FANCD2: variants seen among roughly 807,000 people sequenced by gnomAD.
FANCD2 encodes the protein FA complementation group D2.
Under a neutral mutation model 192.3 loss-of-function variants are expected in FANCD2, and 131 were observed. That is an observed-to-expected ratio of 0.68 (90% CI 0.59 to 0.79). FANCD2 has a LOEUF of 0.79. Among genes scored for constraint, FANCD2 ranks in the 30% least tolerant of loss-of-function variants. The pLI is 0.00. For missense variants in FANCD2, 1,508 were observed against 1,701.6 expected, an observed-to-expected ratio of 0.89 and a Z score of 2.00; for synonymous variants, 524 against 612.5, an observed-to-expected ratio of 0.86 and a Z score of 2.13.
chr3:10,091,014 G>C (rs919634978), intron 37 of FANCD2, among the ~76,000 whole-genome samples: 1 of 151,928 alleles, frequency 6.6e-6, no homozygotes, highest in African/African-American at 2.4e-5. Context: ...AACCAGAACG[G>C]AGCTAGACAA....
chr3:10,081,059 A>G, intron 30 of FANCD2, 41 bp from the exon 31 acceptor site: 1 of 1,613,232 alleles, frequency 6.2e-7, no homozygotes, highest in Non-Finnish European at 8.5e-7. Context: ...CTGAGACGCT[A>G]TCCAGCAGTT....
At chr3:10,067,716 T>G (rs2087760323) in intron 26 of FANCD2, among the ~76,000 whole-genome samples, 1 of 152,148 alleles carries the variant, frequency 6.6e-6, no homozygotes, top group South Asian at 2.1e-4. Flanking sequence ...GAGAATCGCT[T>G]GAACCTGGGA....
rs112902928 is a variant in FANCD2, at chr3:10,048,001, A to G, written c.1363A>G (p.Ser455Gly). 8.1e-6 allele frequency: 13 copies of G among 1,614,216 alleles called. No homozygotes were observed. The African/African-American group carries it at 1.6e-4, about 20-fold the overall frequency. ...SLDQSIISFG[S>G]LLYKYAFKFF... The stretch of plus-strand genomic sequence containing the variant: ...AGACCAGAGTATAATTTCATTTGGC[A>G]GTCTCCTATACAAATATGCATTTAA... Residue 455 changes from serine to glycine, a missense_variant, in exon 16 of 44, where the codon AGT becomes GGT. Coordinates refer to ENST00000675286, the MANE Select transcript of FANCD2 (RefSeq NM_001018115.3).
At chr3:10,039,590 T>C (rs1324646181) in intron 8 of FANCD2, 131 bp from the exon 9 acceptor site, 2 of 1,060,270 alleles carry the variant, frequency 1.9e-6, no homozygotes, top group East Asian at 4.9e-5. Flanking sequence ...TTGGGAAGAT[T>C]CTTTTTCAAA....
chr3:10,028,579 A>G, intron 1 of FANCD2, 46 bp from the exon 2 acceptor site: 1 of 1,289,782 alleles, frequency 7.8e-7, no homozygotes, highest in Non-Finnish European at 1.1e-6. Context: ...AACTTCTCAG[A>G]ATTTATCTTC....
At chr3:10,069,995 G>T (rs1170398009) in intron 26 of FANCD2, among the ~76,000 whole-genome samples, 1 of 151,198 alleles carries the variant, frequency 6.6e-6, no homozygotes, top group East Asian at 2.0e-4. Flanking sequence ...CTGCCCGGCC[G>T]CCATCCCATC....
intron 28 of FANCD2, among the ~76,000 whole-genome samples, chr3:10,073,658 TC>T (rs1693377156): frequency 6.6e-6 from 1 of 152,230 alleles, no homozygotes; most frequent in African/African-American, 2.4e-5. Context: ...TATCAGTAGT[TC>T]CCTTTTACTT....
At position 10,073,289 on chromosome 3, in the gene FANCD2, C is replaced by T. The variant is rs541470290; in HGVS notation, c.2642C>T (p.Ser881Phe). The T allele has an allele frequency of 3.7e-6, 6 of 1,614,018 alleles. No individual in the cohort carries two copies. Among genetic ancestry groups the T allele is most frequent in the Admixed American group, 1.7e-5 (1 of 60,014 alleles). Residue 881 changes from serine (S) to phenylalanine (F), a missense_variant, in exon 28 of 44, where the codon TCC becomes TTC. Physicochemically the swap from Ser to Phe is radical, Grantham distance 155. Coordinates refer to ENST00000675286, the MANE Select transcript of FANCD2 (RefSeq NM_001018115.3). ...KQKTDGSKTS[S>F]SDTLSEEKNS... ...AAAACAGATGGCAGCAAGACATCCT[C>T]CTCTGACACACTTTCAGAAGAGAAA...
At chr3:10,039,953 A>G (rs1369909025) in intron 9 of FANCD2, 108 bp downstream of exon 9, 4 of 1,291,532 alleles carry the variant, frequency 3.1e-6, no homozygotes, top group East Asian at 4.7e-5. Flanking sequence ...TAAAAAGAGG[A>G]TGATACCCCC....
Position 10,096,325 on chromosome 3 carries a change from G to C in FANCD2, c.4039-1G>C, listed in dbSNP as rs367976708. The C allele has an allele frequency of 6.2e-7, 1 of 1,613,916 alleles. No homozygotes were observed. The highest frequency in any genetic ancestry group is 8.5e-7 in the Non-Finnish European group (1 of 1,179,970). The stretch of plus-strand genomic sequence containing the variant: ...GATGGATGTTATTTATTTCCATTCA[G>C]ATTCACCAGGACACGAGACTCACCC... On this transcript the variant is annotated splice_acceptor_variant, in intron 41 of 43. Transcript: ENST00000675286. LOFTEE classifies it high-confidence loss of function.
Position 10,090,487 on chromosome 3 carries a change from G to A in FANCD2, c.3777+102G>A, listed in dbSNP as rs1161661748. The A allele has an allele frequency of 4.3e-6, 3 of 693,278 alleles. No homozygotes were observed. The African/African-American group carries it at 7.6e-5, about 18-fold the overall frequency. The allele number at this position is 693,278 out of a possible 1,614,324, so 42.9% of individuals were successfully genotyped here. A position where few individuals can be genotyped will look rare whatever the true frequency, so the allele number is the denominator to read the frequency against. On this transcript the variant is annotated intron_variant, in intron 37 of 43. Transcript: ENST00000675286. ...TTTTTTTTTTCTGAGACAGAGTCTTGCTTGTTCTGTTGCCCAGACTGGAGT... is the reference window on the plus strand; with the variant it reads ...TTTTTTTTTTCTGAGACAGAGTCTTACTTGTTCTGTTGCCCAGACTGGAGT...
rs34826850 is a variant in FANCD2 at position 10,093,875 on chromosome 3, G to A, written c.3889-414G>A. Among the ~76,000 whole-genome samples the A allele has an allele frequency of 1.7e-3, 262 of 152,266 alleles. 1 individual carries two copies. Among genetic ancestry groups the A allele is most frequent in the African/African-American group, 6.1e-3 (252 of 41,544 alleles). On this transcript the variant is annotated intron_variant, in intron 39 of 43. Coordinates refer to ENST00000675286, the MANE Select transcript of FANCD2 (RefSeq NM_001018115.3). ...CTCTCCCTTTTTACTCCACCCTTGC[G>A]CAATGTGGGAGATGGGCAAGTTGGA...
At chr3:10,099,498 A>T in intron 43 of FANCD2, 1 of 255,620 alleles carries the variant, frequency 3.9e-6, no homozygotes, top group Non-Finnish European at 6.7e-6. Context: ...GGTGGCTCAC[A>T]CCTGTAATCC....
intron 32 of FANCD2, among the ~76,000 whole-genome samples, chr3:10,081,894 C>T (rs1428593249): frequency 6.6e-6 from 1 of 152,164 alleles, no homozygotes; most frequent in Non-Finnish European, 1.5e-5. Flanking sequence ...GAAGGTACAA[C>T]ATGGACAAAA....
At chr3:10,090,448 T>A (rs1694525177) in intron 37 of FANCD2, 63 bp downstream of exon 37, 3 of 770,132 alleles carry the variant, frequency 3.9e-6, no homozygotes, top group Non-Finnish European at 5.8e-6. Context: ...TGCTGATTTT[T>A]TTTTTTTTTT....
At chr3:10,061,334 C>T (rs1213202865) in intron 19 of FANCD2, among the ~76,000 whole-genome samples, 1 of 152,168 alleles carries the variant, frequency 6.6e-6, no homozygotes, top group Non-Finnish European at 1.5e-5. Context: ...TCCCTCTAAC[C>T]CCACCCCAAC....
At chr3:10,046,324 A>G in intron 14 of FANCD2, 1 of 438,300 alleles carries the variant, frequency 2.3e-6, no homozygotes, top group Admixed American at 3.6e-5. Flanking sequence ...AAGTGCTGGG[A>G]TTACAGATGT....
intron 3 of FANCD2, among the ~76,000 whole-genome samples, chr3:10,033,210 G>T (rs1290097732): frequency 6.6e-6 from 1 of 152,142 alleles, no homozygotes; most frequent in African/African-American, 2.4e-5. Context: ...TCAGGAATTT[G>T]CGACCGGCCT....
chr3:10,065,004 G>A (rs561688166), intron 23 of FANCD2, 129 bp downstream of exon 23: 1 of 968,700 alleles, frequency 1.0e-6, no homozygotes, highest in African/African-American at 1.6e-5. Flanking sequence ...AGAGGTTAGG[G>A]AGAATGGGGC....
Sources: allele counts gnomAD v4.1 joint callset (sites outside exome capture counted in the v4.1 genomes callset), GRCh38; gene constraint gnomAD v4.1.1; transcripts MANE v1.5; gene names NCBI Gene and HGNC (gene_info 2026-07-23, HGNC 2026-07-21).